Variants in CDC14B observed in about 807,000 individuals in gnomAD.
CDC14B encodes cell division cycle 14B.
In CDC14B, 22 loss-of-function variants were observed where a neutral mutation model predicts 64.2. The ratio of observed to expected loss-of-function variants is 0.34; its 90% CI spans 0.24 to 0.49. CDC14B has a LOEUF of 0.49. Among genes scored for constraint, CDC14B ranks in the 20% least tolerant of loss-of-function variants. The probability of loss-of-function intolerance (pLI) is 0.99; values close to 1 mark genes in which losing one functional copy is unlikely to be tolerated. For synonymous variants in CDC14B, 191 were observed against 215.8 expected (o/e 0.89, Z 1.01); for missense variants, 498 against 629.9 (o/e 0.79, Z 2.24).
At chr9:96,569,840 G>A (rs781230384) in intron 1 of CDC14B, among the ~76,000 whole-genome samples, 2 of 152,202 alleles carry the variant, frequency 1.3e-5, no homozygotes, top group Non-Finnish European at 1.5e-5. Flanking sequence ...CCACCGCCTC[G>A]GCCTCCCAAT....
At chr9:96,495,163 A>G (rs35198100), downstream of CDC14B, among the ~76,000 whole-genome samples, 474 of 152,204 alleles carry the variant, frequency 3.1e-3, 1 homozygote, top group Non-Finnish European at 5.6e-3. Context: ...ACTGTGCCCA[A>G]TCCCAGAGGG....
intron 4 of CDC14B, among the ~76,000 whole-genome samples, chr9:96,554,188 A>G (rs554956490): frequency 2.6e-5 from 4 of 152,198 alleles, no homozygotes; most frequent in Admixed American, 6.5e-5. Flanking sequence ...AAAAAACAAA[A>G]CAAAACCCTA....
rs1475260858 is a variant in CDC14B at position 96,579,845 on chromosome 9, AAC to A, written c.161-14364_161-14363del. Among the ~76,000 whole-genome samples the A allele has an allele frequency of 4.6e-5, 7 of 152,364 alleles. No homozygotes were observed. The East Asian group carries it at 1.3e-3, about 29-fold the overall frequency. On this transcript the variant is annotated intron_variant, in intron 1 of 13. Transcript: ENST00000375241. ...GCCCTAGATGACGAAGACAGATGAC[AAC>A]ACTAGAGAAAAGTGAAACTGTGAGG...
intron 13 of CDC14B, among the ~76,000 whole-genome samples, chr9:96,505,330 G>A (rs1007133600): frequency 6.6e-6 from 1 of 152,178 alleles, no homozygotes; most frequent in African/African-American, 2.4e-5. Context: ...ATGGTTCCTA[G>A]TGATACAACT....
chr9:96,606,033 T>C (rs1296452902), intron 1 of CDC14B, among the ~76,000 whole-genome samples: 1 of 151,884 alleles, frequency 6.6e-6, no homozygotes, highest in Non-Finnish European at 1.5e-5. Context: ...TAAGTCTCTA[T>C]ATTAAAATAA....
downstream of CDC14B, among the ~76,000 whole-genome samples, chr9:96,497,042 C>A (rs16910983): frequency 1.3e-5 from 2 of 152,232 alleles, no homozygotes; most frequent in African/African-American, 4.8e-5. Context: ...TCGTTTAACA[C>A]AGAGAAACAC....
chr9:96,561,901 C>T (rs1451383206), intron 4 of CDC14B, among the ~76,000 whole-genome samples: 2 of 152,150 alleles, frequency 1.3e-5, no homozygotes, highest in African/African-American at 2.4e-5. Flanking sequence ...CCAGCTTTCT[C>T]ACCACCAGAC....
In CDC14B at chr9:96,619,501, A is replaced by G; in HGVS notation, c.-123T>C. ...GCGGGCGCAGAGCGGCGCTGCGGGGACGGCGGGCGCCGGCAGAGCCCGGCG... is the reference window on the plus strand; with the variant it reads ...GCGGGCGCAGAGCGGCGCTGCGGGGGCGGCGGGCGCCGGCAGAGCCCGGCG... On this transcript the variant is annotated 5_prime_UTR_variant, in exon 1 of 14. Transcript: ENST00000375241. 1 of 375,908 alleles carries G rather than the reference A, an allele frequency of 2.7e-6. No individual in the cohort carries two copies. Among genetic ancestry groups the G allele is most frequent in the Non-Finnish European group, 3.6e-6 (1 of 276,688 alleles). The allele number at this position is 375,908 out of a possible 1,614,324, so 23.3% of individuals were successfully genotyped here. A position where few individuals can be genotyped will look rare whatever the true frequency, so the allele number is the denominator to read the frequency against.
At chr9:96,526,905 A>T (rs901277809) in intron 9 of CDC14B, among the ~76,000 whole-genome samples, 2 of 152,224 alleles carry the variant, frequency 1.3e-5, no homozygotes, top group African/African-American at 4.8e-5. Flanking sequence ...GGGGTGCAAA[A>T]GGACCTTGCT....
intron 1 of CDC14B, among the ~76,000 whole-genome samples, chr9:96,587,490 A>AG (rs1294102096): frequency 1.3e-5 from 2 of 152,238 alleles, no homozygotes; most frequent in Non-Finnish European, 2.9e-5. Flanking sequence ...CCTTGATCCC[A>AG]GCACCAGGCA....
At chr9:96,573,618 TA>T (rs58973080) in intron 1 of CDC14B, among the ~76,000 whole-genome samples, 3,986 of 152,294 alleles carry the variant, frequency 0.026, 164 homozygotes, top group African/African-American at 0.089. Flanking sequence ...CCTGACATGT[TA>T]ATACATGTAA....
intron 7 of CDC14B, among the ~76,000 whole-genome samples, chr9:96,536,497 A>G (rs1358441754): frequency 6.6e-6 from 1 of 152,256 alleles, no homozygotes; most frequent in Non-Finnish European, 1.5e-5. Context: ...TGCTAGTTAA[A>G]TGTACGTTGT....
At chr9:96,572,090 C>T (rs1440885867) in intron 1 of CDC14B, among the ~76,000 whole-genome samples, 1 of 152,186 alleles carries the variant, frequency 6.6e-6, no homozygotes, top group Non-Finnish European at 1.5e-5. Context: ...AGTGAGAACT[C>T]ATCCACATGC....
At chr9:96,519,848 A>G (rs1014710583) in intron 12 of CDC14B, among the ~76,000 whole-genome samples, 4 of 152,100 alleles carry the variant, frequency 2.6e-5, no homozygotes, top group Non-Finnish European at 5.9e-5. Context: ...TCCTTCTTGC[A>G]TGTACTGTAT....
intron 12 of CDC14B, among the ~76,000 whole-genome samples, chr9:96,513,860 G>A (rs1835245699): frequency 6.6e-6 from 1 of 152,182 alleles, no homozygotes; most frequent in African/African-American, 2.4e-5. Flanking sequence ...CTGCATAACA[G>A]GAGCTTTTCA....
At chr9:96,556,945 T>C (rs1481367578) in intron 4 of CDC14B, among the ~76,000 whole-genome samples, 6 of 152,180 alleles carry the variant, frequency 3.9e-5, no homozygotes, top group South Asian at 4.1e-4. Context: ...CCTCTGGCCG[T>C]ATTTATAGAC....
rs183414665 is a variant in CDC14B at position 96,547,812 on chromosome 9, T to G, written c.497+3984A>C. 2.3e-4 allele frequency among the ~76,000 whole-genome samples: 35 copies of G among 151,814 alleles called. No individual in the cohort carries two copies. The East Asian group carries it at 6.2e-3, about 27-fold the overall frequency. ...ATCCTCACAACTCCTTGAGAGAGAA[T>G]GTATTATTGTTTCTGTTTCTGTTTT... is the stretch of plus-strand genomic sequence containing the variant. On this transcript the variant is annotated intron_variant, in intron 5 of 13. Transcript: ENST00000375241.
chr9:96,594,244 C>T (rs1457143035), intron 1 of CDC14B, among the ~76,000 whole-genome samples: 2 of 152,166 alleles, frequency 1.3e-5, no homozygotes, highest in Non-Finnish European at 2.9e-5. Flanking sequence ...GGCAGATGCC[C>T]TGAATTAACG....
chr9:96,533,644 G>A (rs1212489781), intron 9 of CDC14B, among the ~76,000 whole-genome samples: 1 of 152,128 alleles, frequency 6.6e-6, no homozygotes, highest in Non-Finnish European at 1.5e-5. Flanking sequence ...CATTAAGACA[G>A]GCTCTTACAG....
Sources: gnomAD v4.1 joint callset for allele counts (sites outside exome capture counted in the v4.1 genomes callset) on GRCh38, gnomAD v4.1.1 for gene constraint, MANE v1.5 for transcripts, NCBI Gene and HGNC (gene_info 2026-07-23, HGNC 2026-07-21) for gene names.